Variants in XIAP observed in about 807,000 individuals in gnomAD.
XIAP encodes the protein E3 ubiquitin-protein ligase XIAP.
A neutral mutation model predicts 33.1 loss-of-function variants in XIAP; 3 were observed. The ratio of observed to expected loss-of-function variants is 0.09; its 90% CI spans 0.04 to 0.23. The LOEUF is 0.23. Among genes scored for constraint, XIAP ranks in the 10% least tolerant of loss-of-function variants. The probability of loss-of-function intolerance (pLI) is 1.00; values close to 1 mark genes in which losing one functional copy is unlikely to be tolerated. For synonymous variants in XIAP, 98 were observed against 121.3 expected (o/e 0.81, Z 1.26); for missense variants, 264 against 363.0 (o/e 0.73, Z 2.22).
At chrX:123,904,276 A>T (rs2053541227) in intron 6 of XIAP, among the ~76,000 whole-genome samples, 1 of 111,977 alleles carries the variant, frequency 8.9e-6, no homozygotes, top group Non-Finnish European at 1.9e-5. Context: ...TTACATCTAA[A>T]AGTAATGTGG....
At chrX:123,892,924 G>A (rs948875241) in intron 5 of XIAP, 151 bp downstream of exon 5, 7 of 473,334 alleles carry the variant, frequency 1.5e-5, no homozygotes, top group East Asian at 4.4e-5. Context: ...GGGTTCAACC[G>A]ATTCTCCTGC....
chrX:123,860,408 G>C, intron 1 of XIAP, 115 bp downstream of exon 1: 1 of 292,349 alleles, frequency 3.4e-6, no homozygotes, highest in Non-Finnish European at 6.7e-6. Flanking sequence ...GGGGAGGGCG[G>C]GAAGGCCGCG....
Position 123,869,868 on chromosome X carries a change from T to A in XIAP, c.-33+9575T>A, listed in dbSNP as rs140092823. ...AGCACATTACATATGTTAGTTATTA[T>A]CAAAGGTAACATCGTGAAAGAAGAG... On this transcript the variant is annotated intron_variant, in intron 1 of 6. Coordinates refer to ENST00000371199, the MANE Select transcript of XIAP (RefSeq NM_001167.4). Among the ~76,000 whole-genome samples the A allele has an allele frequency of 2.5e-4, 28 of 112,950 alleles. No individual in the cohort carries two copies. The East Asian group carries it at 7.4e-3, about 30-fold the overall frequency.
intron 1 of XIAP, among the ~76,000 whole-genome samples, chrX:123,874,869 ATTTTTTTT>A (rs773693860): frequency 9.3e-5 from 4 of 42,802 alleles, no homozygotes; most frequent in African/African-American, 4.0e-4. Context: ...TAATTCTTGT[ATTTTTTTT>A]TTTTTTTTTT....
At chrX:123,892,195 G>A (rs1181586539) in intron 4 of XIAP, among the ~76,000 whole-genome samples, 5 of 110,567 alleles carry the variant, frequency 4.5e-5, no homozygotes, top group Non-Finnish European at 7.6e-5. Flanking sequence ...ATGAAACCCC[G>A]TCTCTACTAA....
At chrX:123,880,983 C>A (rs2148084195) in intron 1 of XIAP, among the ~76,000 whole-genome samples, 1 of 110,844 alleles carries the variant, frequency 9.0e-6, no homozygotes, top group African/African-American at 3.3e-5. Context: ...ATCTCCCAAA[C>A]CCTTCATTTA....
In XIAP at chrX:123,909,838, A is replaced by G. The variant is rs1293985066; in HGVS notation, c.*2657A>G. The G allele has an allele frequency of 3.0e-6, 1 of 329,745 alleles. No homozygotes were observed. Among genetic ancestry groups the G allele is most frequent in the Admixed American group, 3.1e-5 (1 of 32,250 alleles). 27.2% of individuals were successfully genotyped at this position (329,745 alleles called of 1,213,427 possible). On this transcript the variant is annotated 3_prime_UTR_variant, in exon 7 of 7. Coordinates refer to ENST00000371199, the MANE Select transcript of XIAP (RefSeq NM_001167.4). ...TCACTCAGCACTCCAACTTCTAATC[A>G]AATTTTTGGAGACTTAACAGCATTT...
Position 123,913,456 on chromosome X carries a change from T to G in XIAP, c.*6275T>G, listed in dbSNP as rs1215659555. The G allele has an allele frequency of 9.1e-6, 3 of 328,755 alleles. No individual in the cohort carries two copies. The allele number at this position is 328,755 out of a possible 1,213,427, so 27.1% of individuals were successfully genotyped here. Reference sequence around the variant, plus strand: ...CCGCACTCCAGCCTAGGTGATAGAGTGAGACTCCCTCTCAAAAACAAAACA... The same window carrying G: ...CCGCACTCCAGCCTAGGTGATAGAGGGAGACTCCCTCTCAAAAACAAAACA... On this transcript the variant is annotated 3_prime_UTR_variant, in exon 7 of 7. Coordinates refer to ENST00000371199, the MANE Select transcript of XIAP (RefSeq NM_001167.4).
At chrX:123,867,343 G>A (rs1405438042) in intron 1 of XIAP, among the ~76,000 whole-genome samples, 4 of 107,024 alleles carry the variant, frequency 3.7e-5, no homozygotes, top group African/African-American at 1.4e-4. Flanking sequence ...ACAAGTGTGA[G>A]CCACTGCGCC....
At chrX:123,895,165 A>C (rs1165524900) in intron 5 of XIAP, among the ~76,000 whole-genome samples, 1 of 111,247 alleles carries the variant, frequency 9.0e-6, no homozygotes, top group Non-Finnish European at 1.9e-5. Context: ...AGGCCAGGGC[A>C]ACCAGTAATC....
chrX:123,869,898 T>C (rs1289646546), intron 1 of XIAP, among the ~76,000 whole-genome samples: 2 of 112,930 alleles, frequency 1.8e-5, no homozygotes, highest in Non-Finnish European at 3.7e-5. Flanking sequence ...GAAGAGAAGA[T>C]GAGCTATAGA....
intron 4 of XIAP, among the ~76,000 whole-genome samples, chrX:123,891,523 T>C (rs2053408171): frequency 9.0e-6 from 1 of 111,556 alleles, no homozygotes; most frequent in Admixed American, 9.7e-5. Flanking sequence ...TGATGGGCTT[T>C]AAAGATGAGA....
At chrX:123,874,852 C>T (rs1412417326) in intron 1 of XIAP, among the ~76,000 whole-genome samples, 4 of 101,390 alleles carry the variant, frequency 3.9e-5, no homozygotes, top group African/African-American at 1.4e-4. Flanking sequence ...GTGCCACCAC[C>T]CCCAGCTAAT....
chrX:123,913,898 T>C lies in XIAP; in HGVS notation c.*6717T>C, dbSNP rs1216906952. On this transcript the variant is annotated 3_prime_UTR_variant, in exon 7 of 7. Coordinates refer to ENST00000371199, the MANE Select transcript of XIAP (RefSeq NM_001167.4). ...GAAAATTGCTTTCTGCTGTATAATCTGGCATTCATTGTAGATTAAAGCTTA... is the reference window on the plus strand; with the variant it reads ...GAAAATTGCTTTCTGCTGTATAATCCGGCATTCATTGTAGATTAAAGCTTA... 6.4e-6 allele frequency: 2 copies of C among 313,574 alleles called. No individual in the cohort carries two copies. Among genetic ancestry groups the C allele is most frequent in the African/African-American group, 5.4e-5 (2 of 37,040 alleles). The allele number at this position is 313,574 out of a possible 1,213,427, so 25.8% of individuals were successfully genotyped here. A position where few individuals can be genotyped will look rare whatever the true frequency, so the allele number is the denominator to read the frequency against.
intron 1 of XIAP, among the ~76,000 whole-genome samples, chrX:123,883,560 G>T (rs1204420833): frequency 5.0e-5 from 5 of 99,304 alleles, no homozygotes; most frequent in Non-Finnish European, 8.0e-5. Context: ...GCAGTGGCGC[G>T]ATCTCAGCTC....
At position 123,870,738 on chromosome X, in the gene XIAP, A is replaced by G. The variant is rs28382710; in HGVS notation, c.-33+10445A>G. Among the ~76,000 whole-genome samples, 119 of 111,371 alleles carry G rather than the reference A, an allele frequency of 1.1e-3. 1 individual carries two copies. The East Asian group carries it at 0.033, about 31-fold the overall frequency. On this transcript the variant is annotated intron_variant, in intron 1 of 6. Transcript: ENST00000371199. ...GCAAGGCAGGGGTTGCAGTGAGCCA[A>G]GATTGTGACACTGCACTCCAGTCTG...
intron 1 of XIAP, among the ~76,000 whole-genome samples, chrX:123,864,455 G>T (rs1245490520): frequency 1.6e-3 from 81 of 49,393 alleles, no homozygotes; most frequent in South Asian, 2.8e-3. Flanking sequence ...CCTTTCTTCT[G>T]TTTTTTTTTT....
chrX:123,909,268 A>G lies in XIAP; in HGVS notation c.*2087A>G, dbSNP rs1379697727. ...CTGGTATCAAACTCCTGACCTCAAG[A>G]GATCCACTCGCCTTGCCCTCCCAAA... On this transcript the variant is annotated 3_prime_UTR_variant, in exon 7 of 7. Transcript: ENST00000371199. 8 of 324,661 alleles carry G rather than the reference A, an allele frequency of 2.5e-5. No individual in the cohort carries two copies. Among genetic ancestry groups the G allele is most frequent in the Admixed American group, 2.2e-4 (7 of 31,703 alleles). The allele number at this position is 324,661 out of a possible 1,213,427, so 26.8% of individuals were successfully genotyped here.
chrX:123,862,241 G>A (rs183764056), intron 1 of XIAP, among the ~76,000 whole-genome samples: 1 of 108,398 alleles, frequency 9.2e-6, no homozygotes, highest in Non-Finnish European at 1.9e-5. Context: ...GCTAATTTTT[G>A]TATTTTTAGT....
Sources: gnomAD v4.1 joint callset for allele counts (sites outside exome capture counted in the v4.1 genomes callset) on GRCh38, gnomAD v4.1.1 for gene constraint, MANE v1.5 for transcripts, NCBI Gene and HGNC (gene_info 2026-07-23, HGNC 2026-07-21) for gene names.